AGAP1: variants seen among roughly 807,000 people sequenced by gnomAD.
The protein encoded by AGAP1 is ArfGAP with GTPase domain, ankyrin repeat and PH domain 1, also known as arf-GAP with GTPase, ANK repeat and PH domain-containing protein 1.
In AGAP1, 29 loss-of-function variants were observed where a neutral mutation model predicts 105.3. The ratio of observed to expected loss-of-function variants is 0.28; its 90% CI spans 0.21 to 0.38. AGAP1 has a LOEUF of 0.38. Among genes scored for constraint, AGAP1 ranks in the 10% least tolerant of loss-of-function variants. The pLI is 1.00. For missense variants in AGAP1, 998 were observed against 1,165.1 expected (o/e 0.86, Z 2.09); for synonymous variants, 509 against 485.9 (o/e 1.05, Z -0.63).
chr2:235,814,115 T>G (rs1263211904), intron 9 of AGAP1, among the ~76,000 whole-genome samples: 1 of 151,758 alleles, frequency 6.6e-6, no homozygotes, highest in East Asian at 1.9e-4. Context: ...ATGGGGGGAG[T>G]GGCAGGCCAG....
intron 16 of AGAP1, among the ~76,000 whole-genome samples, chr2:236,102,740 G>A (rs1027193683): frequency 2.0e-5 from 3 of 152,116 alleles, no homozygotes; most frequent in Admixed American, 6.6e-5. Context: ...AGTTAAGGGG[G>A]TGTCACTGGC....
intron 1 of AGAP1, among the ~76,000 whole-genome samples, chr2:235,636,745 G>GC: frequency 6.6e-6 from 1 of 152,120 alleles, no homozygotes; most frequent in East Asian, 1.9e-4. Context: ...GAATGTGATC[G>GC]TCTCTCAGAA....
At chr2:235,768,629 C>T (rs1222547127) in intron 6 of AGAP1, among the ~76,000 whole-genome samples, 1 of 152,194 alleles carries the variant, frequency 6.6e-6, no homozygotes, top group Non-Finnish European at 1.5e-5. Context: ...GAGCTGGGGC[C>T]CAAGGTTCAG....
chr2:235,673,801 C>T (rs2149370496), intron 1 of AGAP1, among the ~76,000 whole-genome samples: 1 of 152,310 alleles, frequency 6.6e-6, no homozygotes, highest in South Asian at 2.1e-4. Context: ...TTAGAAGTGA[C>T]CTCAGCTGGT....
At chr2:235,661,913 A>T (rs1204589210) in intron 1 of AGAP1, among the ~76,000 whole-genome samples, 1 of 152,206 alleles carries the variant, frequency 6.6e-6, no homozygotes. Flanking sequence ...GATGCATGAC[A>T]GTCAGCTTCC....
At chr2:235,727,198 G>A (rs1951690508) in intron 3 of AGAP1, among the ~76,000 whole-genome samples, 1 of 152,200 alleles carries the variant, frequency 6.6e-6, no homozygotes, top group Admixed American at 6.5e-5. Flanking sequence ...GATGAGGTCA[G>A]CCTAATTGAG....
rs1951794884 is a variant in AGAP1, at chr2:235,728,909, T to C, written c.310+11265T>C. ...GGAGCCTGGACGAGAGCAGGGGTTG[T>C]GGAGGAATGGTCAAAACCCAGGCGT... On this transcript the variant is annotated intron_variant, in intron 3 of 17. Transcript: ENST00000304032. The surrounding 1 kb of genome is among the most constrained non-coding windows in gnomAD (Gnocchi z 4.3). 6.6e-6 allele frequency among the ~76,000 whole-genome samples: 1 copy of C among 151,998 alleles called. No homozygotes were observed. The highest frequency in any genetic ancestry group is 2.4e-5 in the African/African-American group (1 of 41,378).
intron 13 of AGAP1, among the ~76,000 whole-genome samples, chr2:235,978,324 A>G (rs939472415): frequency 6.6e-5 from 10 of 151,980 alleles, no homozygotes; most frequent in African/African-American, 2.2e-4. Context: ...CCATTTAAGG[A>G]TTTCATGGAC....
Position 235,831,443 on chromosome 2 carries a change from T to C in AGAP1, c.1050+24112T>C, listed in dbSNP as rs75863623. 4.1e-3 allele frequency among the ~76,000 whole-genome samples: 617 copies of C among 152,284 alleles called. 2 individuals carry two copies. Among genetic ancestry groups the C allele is most frequent in the Non-Finnish European group, 5.9e-3 (401 of 68,012 alleles). On this transcript the variant is annotated intron_variant, in intron 9 of 17. Coordinates refer to ENST00000304032, the MANE Select transcript of AGAP1 (RefSeq NM_001037131.3). ...GTGTATAGGATCATAAGAAACAGTT[T>C]CACTGCCCTAAAAATCCTGTGGTCC...
chr2:235,763,015 G>A (rs537347710), intron 6 of AGAP1, among the ~76,000 whole-genome samples: 6 of 150,070 alleles, frequency 4.0e-5, no homozygotes, highest in African/African-American at 1.5e-4. Context: ...CCACCCGGGG[G>A]CAATGATTGT....
intron 12 of AGAP1, among the ~76,000 whole-genome samples, chr2:235,955,147 G>A (rs529027209): frequency 1.3e-5 from 2 of 152,174 alleles, no homozygotes; most frequent in East Asian, 1.9e-4. Context: ...CATGCCCAGG[G>A]TCACGTGGCC....
intron 10 of AGAP1, among the ~76,000 whole-genome samples, chr2:235,886,521 G>A (rs1486069007): frequency 6.6e-6 from 1 of 151,864 alleles, no homozygotes; most frequent in Non-Finnish European, 1.5e-5. Context: ...GCTTTTTTTT[G>A]TGATGTCCCT....
At chr2:235,524,528 C>A in intron 1 of AGAP1, 1 of 339,960 alleles carries the variant, frequency 2.9e-6, no homozygotes, top group South Asian at 2.4e-5. Flanking sequence ...GGGCTGCACC[C>A]AGCCCCCATG....
intron 1 of AGAP1, among the ~76,000 whole-genome samples, chr2:235,626,285 G>C (rs934181376): frequency 1.1e-4 from 16 of 152,170 alleles, no homozygotes; most frequent in African/African-American, 3.9e-4. Context: ...TTGAACCCGA[G>C]AGGCAGAGGT....
rs184748228 is a variant in AGAP1, at chr2:235,883,000, T to A, written c.1051-345T>A. ...GCTAATTTTATTTATTTATTTATTT[T>A]TTTAGAGATGGGGGTGTCAGCATCT... is the stretch of plus-strand genomic sequence containing the variant. On this transcript the variant is annotated intron_variant, in intron 9 of 17. Transcript: ENST00000304032. The surrounding 1 kb of genome is among the most constrained non-coding windows in gnomAD (Gnocchi z 4.6). Among the ~76,000 whole-genome samples, 89 of 152,108 alleles carry A rather than the reference T, an allele frequency of 5.9e-4. No individual in the cohort carries two copies. Among genetic ancestry groups the A allele is most frequent in the Middle Eastern group, 6.8e-3 (2 of 292 alleles).
Position 235,891,358 on chromosome 2 carries a change from C to T in AGAP1, c.1155+7909C>T, listed in dbSNP as rs948384239. ...ATGTCTCCAAGACCTTTAAAAAGCC[C>T]TAACTGCTTAACTTTCTTGGGGGAA... On this transcript the variant is annotated intron_variant, in intron 10 of 17. Coordinates refer to ENST00000304032, the MANE Select transcript of AGAP1 (RefSeq NM_001037131.3). The surrounding 1 kb of genome is among the most constrained non-coding windows in gnomAD (Gnocchi z 4.2). 6.6e-6 allele frequency among the ~76,000 whole-genome samples: 1 copy of T among 152,136 alleles called. No homozygotes were observed. Among genetic ancestry groups the T allele is most frequent in the Non-Finnish European group, 1.5e-5 (1 of 68,032 alleles).
At position 235,888,384 on chromosome 2, in the gene AGAP1, G is replaced by C. The variant is rs747280008; in HGVS notation, c.1155+4935G>C. The stretch of plus-strand genomic sequence containing the variant: ...TGGGATAGGAGGGTCTAGAAGGCTC[G>C]ACTCCCCTCCTAGGGCTGCTCCACA... On this transcript the variant is annotated intron_variant, in intron 10 of 17. Transcript: ENST00000304032. The surrounding 1 kb of genome is among the most constrained non-coding windows in gnomAD (Gnocchi z 4.8). Among the ~76,000 whole-genome samples, 5 of 151,950 alleles carry C rather than the reference G, an allele frequency of 3.3e-5. No homozygotes were observed. The highest frequency in any genetic ancestry group is 1.2e-4 in the African/African-American group (5 of 41,370).
chr2:235,609,455 A>G lies in AGAP1; in HGVS notation c.164-99724A>G, dbSNP rs193104152. On this transcript the variant is annotated intron_variant, in intron 1 of 17. Coordinates refer to ENST00000304032, the MANE Select transcript of AGAP1 (RefSeq NM_001037131.3). This position sits in a 1 kb window ranked among gnomAD's most constrained non-coding sequence, Gnocchi z 5.1. ...ACGATCATTCGAGATTCCAAGAGGT[A>G]AGAACTGGGGGCTGGGCTGTGGAAG... 1.3e-5 allele frequency among the ~76,000 whole-genome samples: 2 copies of G among 152,244 alleles called. No homozygotes were observed. Among genetic ancestry groups the G allele is most frequent in the East Asian group, 3.9e-4 (2 of 5,170 alleles).
intron 1 of AGAP1, among the ~76,000 whole-genome samples, chr2:235,597,118 G>T (rs1050997811): frequency 6.6e-6 from 1 of 152,194 alleles, no homozygotes. Flanking sequence ...AAGAGTTAAG[G>T]TTCCAGACTC....
Sources: allele counts gnomAD v4.1 joint callset (sites outside exome capture counted in the v4.1 genomes callset), GRCh38; gene constraint gnomAD v4.1.1; non-coding constraint Gnocchi (gnomAD v3.1); transcripts MANE v1.5; gene names NCBI Gene and HGNC (gene_info 2026-07-23, HGNC 2026-07-21).